FILIP1L: variants seen among roughly 807,000 people sequenced by gnomAD.
FILIP1L encodes filamin A-interacting protein 1-like.
FILIP1L carries 55 observed loss-of-function variants against 96.6 expected under a neutral mutation model. The ratio of observed to expected loss-of-function variants is 0.57; its 90% CI spans 0.46 to 0.71. The LOEUF is 0.71. Ranked by LOEUF, FILIP1L falls within the 30% of genes least tolerant of loss-of-function variation. The probability of loss-of-function intolerance (pLI) is 0.00; values close to 1 mark genes in which losing one functional copy is unlikely to be tolerated. For missense variants in FILIP1L, 1,304 were observed against 1,321.2 expected (o/e 0.99, Z 0.20); for synonymous variants, 467 against 473.9 (o/e 0.99, Z 0.19).
At chr3:99,979,357 C>T (rs1250428047) in intron 1 of FILIP1L, among the ~76,000 whole-genome samples, 1 of 152,120 alleles carries the variant, frequency 6.6e-6, no homozygotes, top group Non-Finnish European at 1.5e-5. Context: ...ATATACGGCT[C>T]AGAGTTAAGA....
In FILIP1L at chr3:100,087,056, A is replaced by T. The variant is rs1202396752; in HGVS notation, c.-11+26997T>A. 5.9e-5 allele frequency among the ~76,000 whole-genome samples: 9 copies of T among 152,216 alleles called. No individual in the cohort carries two copies. In the East Asian group the frequency reaches 1.5e-3, roughly 26 times the overall value. On this transcript the variant is annotated intron_variant, in intron 1 of 5. Coordinates refer to ENST00000477258, the MANE Select transcript of FILIP1L (RefSeq NM_001387850.1). ...GTTTGTTCCTTTTTGCTGCTGTTTAATGTGCTGTCATACAGCTGTACCATA... is the reference window on the plus strand; with the variant it reads ...GTTTGTTCCTTTTTGCTGCTGTTTATTGTGCTGTCATACAGCTGTACCATA...
In FILIP1L at chr3:99,850,014, T is replaced by A; in HGVS notation, c.1662A>T (p.Glu554Asp). The A allele has an allele frequency of 6.2e-7, 1 of 1,607,822 alleles. No individual in the cohort carries two copies. ...KRALKSKTDV[E>D]EKMYSVTKER... is the part of the protein sequence containing the mutation. ...CCTTGGTTACGCTGTACATCTTTTC[T>A]TCTACATCGGTTTTGGACTTGAGCG... is the stretch of plus-strand genomic sequence containing the variant. The change falls in exon 5 of 6, where the codon GAA (glutamate) becomes GAT (aspartate). Residue 554 changes from glutamate to aspartate, a missense_variant. Glu to Asp is a conservative substitution (Grantham distance 45). Transcript: ENST00000477258.
chr3:99,943,618 C>T (rs1254138694), intron 1 of FILIP1L, among the ~76,000 whole-genome samples: 2 of 151,948 alleles, frequency 1.3e-5, no homozygotes, highest in African/African-American at 2.4e-5. Flanking sequence ...GCAGGAGAAT[C>T]GCTTGAACCC....
chr3:99,968,205 A>G (rs942342362), intron 1 of FILIP1L, among the ~76,000 whole-genome samples: 2 of 152,150 alleles, frequency 1.3e-5, no homozygotes, highest in African/African-American at 4.8e-5. Flanking sequence ...GAACATGGGA[A>G]GGGAATTCCA....
At chr3:99,898,284 T>G (rs1228871472) in intron 4 of FILIP1L, 1 of 152,176 alleles carries the variant, frequency 6.6e-6, no homozygotes, top group African/African-American at 2.4e-5. Flanking sequence ...AATGAAAGAT[T>G]GCAAACAAAT....
chr3:100,098,275 G>A (rs899641402), intron 1 of FILIP1L, among the ~76,000 whole-genome samples: 5 of 152,168 alleles, frequency 3.3e-5, no homozygotes, highest in Admixed American at 6.5e-5. Context: ...AGGAGGTAAC[G>A]AGAAGTAAAG....
chr3:99,933,390 T>C (rs1251376518), intron 1 of FILIP1L, among the ~76,000 whole-genome samples: 1 of 152,166 alleles, frequency 6.6e-6, no homozygotes, highest in East Asian at 1.9e-4. Flanking sequence ...GGGATATTTT[T>C]GTGTAGGAAT....
At chr3:100,091,318 G>A (rs2066105156) in intron 1 of FILIP1L, among the ~76,000 whole-genome samples, 1 of 151,392 alleles carries the variant, frequency 6.6e-6, no homozygotes, top group Non-Finnish European at 1.5e-5. Context: ...AAGAAACCCT[G>A]CCTTTAAGGG....
chr3:99,857,705 C>T (rs962496982), intron 4 of FILIP1L, among the ~76,000 whole-genome samples: 76 of 152,230 alleles, frequency 5.0e-4, no homozygotes, highest in Admixed American at 2.1e-3. Context: ...ACGAATTCCA[C>T]AAGCCATTAA....
At chr3:100,004,418 T>C (rs1324191735) in intron 1 of FILIP1L, among the ~76,000 whole-genome samples, 1 of 152,196 alleles carries the variant, frequency 6.6e-6, no homozygotes, top group Admixed American at 6.5e-5. Context: ...ATAAGAGAAC[T>C]GTGTTACCAC....
intron 3 of FILIP1L, among the ~76,000 whole-genome samples, chr3:99,928,009 T>G (rs929173851): frequency 4.6e-5 from 7 of 152,204 alleles, no homozygotes; most frequent in Non-Finnish European, 1.0e-4. Context: ...TTGAGATTTT[T>G]TAGGTTTTTC....
At chr3:99,936,010 A>C (rs1290387398) in intron 1 of FILIP1L, among the ~76,000 whole-genome samples, 4 of 152,226 alleles carry the variant, frequency 2.6e-5, no homozygotes, top group African/African-American at 7.2e-5. Flanking sequence ...AATTTTAAAA[A>C]TCATTCTTTA....
rs539291460 is a variant in FILIP1L at position 100,022,572 on chromosome 3, C to A, written c.-11+91481G>T. On this transcript the variant is annotated intron_variant, in intron 1 of 5. Transcript: ENST00000477258. Reference sequence around the variant, plus strand: ...TTTCAGACACCCTTGGTTTATTATTCTTTTGGCTTCACAAGTACATTCATG... The same window carrying A: ...TTTCAGACACCCTTGGTTTATTATTATTTTGGCTTCACAAGTACATTCATG... Among the ~76,000 whole-genome samples the A allele has an allele frequency of 2.2e-4, 33 of 152,298 alleles. 1 individual carries two copies. In the South Asian group the frequency reaches 6.8e-3, roughly 32 times the overall value.
chr3:100,045,301 T>C (rs1271815807), intron 1 of FILIP1L, among the ~76,000 whole-genome samples: 2 of 152,240 alleles, frequency 1.3e-5, no homozygotes, highest in Non-Finnish European at 2.9e-5. Flanking sequence ...GCACTCAATA[T>C]ATGGTAATTG....
At chr3:100,060,981 G>A (rs561970790) in intron 1 of FILIP1L, among the ~76,000 whole-genome samples, 86 of 152,228 alleles carry the variant, frequency 5.6e-4, no homozygotes, top group African/African-American at 1.6e-3. Context: ...TTAACCGCAC[G>A]AGGTGATGAG....
intron 1 of FILIP1L, among the ~76,000 whole-genome samples, chr3:99,980,219 G>A (rs1046161599): frequency 6.6e-6 from 1 of 152,128 alleles, no homozygotes; most frequent in Admixed American, 6.5e-5. Context: ...TAAGAGTCTA[G>A]GAGCTGGTGC....
chr3:100,095,135 A>T (rs1022757572), intron 1 of FILIP1L, among the ~76,000 whole-genome samples: 1 of 152,264 alleles, frequency 6.6e-6, no homozygotes, highest in South Asian at 2.1e-4. Flanking sequence ...CTTGATTACT[A>T]TAGTTAAAAA....
rs1318722518 is a variant in FILIP1L at position 99,851,072 on chromosome 3, TGA to T, written c.606-4_606-3del. 1 of 1,569,478 alleles carries T rather than the reference TGA, an allele frequency of 6.4e-7. No individual in the cohort carries two copies. Among genetic ancestry groups the T allele is most frequent in the Non-Finnish European group, 8.6e-7 (1 of 1,165,082 alleles). ...TCTTGATCAATTAGCTTCTTTAATC[TGA>T]AAAATGTAAAGTGCATTTTATTTTG... On this transcript the variant is annotated splice_region_variant and splice_polypyrimidine_tract_variant and intron_variant, in intron 4 of 5. Transcript: ENST00000477258.
intron 1 of FILIP1L, chr3:100,051,360 TTTTATATATATA>T: frequency 6.6e-6 from 1 of 151,702 alleles, no homozygotes; most frequent in Admixed American, 6.6e-5. Flanking sequence ...TTATATTTCT[TTTTATATATATA>T]TATTTTAAGT....
Sources: allele counts gnomAD v4.1 joint callset (sites outside exome capture counted in the v4.1 genomes callset), GRCh38; gene constraint gnomAD v4.1.1; transcripts MANE v1.5; gene names NCBI Gene and HGNC (gene_info 2026-07-23, HGNC 2026-07-21).